UPP2: variants seen among roughly 807,000 people sequenced by gnomAD.
UPP2 encodes the protein UPase 2.
Under a neutral mutation model 26.7 loss-of-function variants are expected in UPP2, and 23 were observed. The ratio of observed to expected loss-of-function variants is 0.86; its 90% CI spans 0.62 to 1.22. The LOEUF is 1.22. Ranked by LOEUF, UPP2 falls within the 50% of genes most tolerant of loss-of-function variation. The pLI, the probability that UPP2 is intolerant of heterozygous loss-of-function variation, is 0.00. For synonymous variants in UPP2, 127 were observed against 141.3 expected, an observed-to-expected ratio of 0.90 and a Z score of 0.72; for missense variants, 387 against 396.7, an observed-to-expected ratio of 0.98 and a Z score of 0.21.
At chr2:158,043,894 AG>A (rs1684114857) in intron 3 of UPP2, among the ~76,000 whole-genome samples, 1 of 152,230 alleles carries the variant, frequency 6.6e-6, no homozygotes, top group Non-Finnish European at 1.5e-5. Flanking sequence ...GTATGACTTT[AG>A]GAAAGTTACT....
At chr2:158,101,820 C>A, upstream of UPP2, 1 of 1,252,554 alleles carries the variant, frequency 8.0e-7, no homozygotes, top group South Asian at 2.6e-5. Flanking sequence ...GGAAGTGCTG[C>A]TCTGAGAGCT....
At chr2:158,083,007 T>C (rs1248743388) in intron 3 of UPP2, among the ~76,000 whole-genome samples, 1 of 152,200 alleles carries the variant, frequency 6.6e-6, no homozygotes, top group Non-Finnish European at 1.5e-5. Flanking sequence ...TACAATGAGA[T>C]GCCATCTTAC....
At chr2:158,109,626 C>A (rs188148925) in intron 2 of UPP2, among the ~76,000 whole-genome samples, 18 of 152,314 alleles carry the variant, frequency 1.2e-4, no homozygotes, top group African/African-American at 4.3e-4. Flanking sequence ...GTACCCATTA[C>A]TTCTGCTCAA....
chr2:158,123,696 A>G, intron 5 of UPP2, 53 bp from the exon 6 acceptor site: 1 of 1,587,410 alleles, frequency 6.3e-7, no homozygotes, highest in Non-Finnish European at 8.6e-7. Context: ...CTATGAGGCC[A>G]CTGTCAGTGG....
intron 2 of UPP2, among the ~76,000 whole-genome samples, chr2:158,003,950 C>T (rs1449931073): frequency 6.6e-6 from 1 of 151,992 alleles, no homozygotes; most frequent in Non-Finnish European, 1.5e-5. Flanking sequence ...AGCAATAGTA[C>T]TATTTCAAAT....
At chr2:158,035,345 C>T (rs968987742) in intron 3 of UPP2, among the ~76,000 whole-genome samples, 5 of 151,918 alleles carry the variant, frequency 3.3e-5, no homozygotes, top group Admixed American at 6.6e-5. Flanking sequence ...TTAGTGGATA[C>T]GGGGTTTCAC....
intron 3 of UPP2, among the ~76,000 whole-genome samples, chr2:158,066,754 T>C (rs1485574224): frequency 3.9e-5 from 6 of 152,144 alleles, no homozygotes; most frequent in Non-Finnish European, 8.8e-5. Flanking sequence ...GTGTCTTTAA[T>C]GTCTTCAGAC....
intron 3 of UPP2, among the ~76,000 whole-genome samples, chr2:158,025,478 G>A (rs1046756512): frequency 3.3e-5 from 5 of 152,280 alleles, no homozygotes; most frequent in Middle Eastern, 6.8e-3. Context: ...CTAAGAGCAG[G>A]GTACAGGAGG....
rs550641966 is a variant in UPP2 at position 158,016,372 on chromosome 2, C to T, written c.147+486C>T. 5.9e-5 allele frequency among the ~76,000 whole-genome samples: 9 copies of T among 151,682 alleles called. 1 individual carries two copies. In the South Asian group the frequency reaches 1.5e-3, roughly 25 times the overall value. ...TTTTTTTTTTTGAGACAGAATTTCGCTCATGTTGCCCAGGCTGGAGTGCAA... is the reference window on the plus strand; with the variant it reads ...TTTTTTTTTTTGAGACAGAATTTCGTTCATGTTGCCCAGGCTGGAGTGCAA... On this transcript the variant is annotated intron_variant, in intron 3 of 9. Coordinates refer to the UPP2 transcript ENST00000605860.
At position 158,025,925 on chromosome 2, in the gene UPP2, C is replaced by T. The variant is rs1187811150; in HGVS notation, c.147+10039C>T. 2.6e-5 allele frequency among the ~76,000 whole-genome samples: 4 copies of T among 152,126 alleles called. No individual in the cohort carries two copies. The South Asian group carries it at 8.3e-4, about 32-fold the overall frequency. ...ATGGGAAAGTTGGCCTCACATCCTA[C>T]CCTCTCATTTCAGCTTCGTCTGGAA... On this transcript the variant is annotated intron_variant, in intron 3 of 9. Coordinates refer to the UPP2 transcript ENST00000605860.
intron 6 of UPP2, chr2:158,127,905 C>T (rs1558941817): frequency 2.7e-6 from 2 of 727,432 alleles, no homozygotes; most frequent in Non-Finnish European, 3.4e-6. Flanking sequence ...CTGTGCAATG[C>T]TCAATAAATG....
intron 2 of UPP2, among the ~76,000 whole-genome samples, chr2:158,008,379 G>GTATATTCCT (rs1683526396): frequency 6.6e-6 from 1 of 152,144 alleles, no homozygotes; most frequent in Non-Finnish European, 1.5e-5. Flanking sequence ...TGTGTTGCAG[G>GTATATTCCT]AATATAGCAG....
chr2:158,055,236 T>C (rs1456179114), intron 3 of UPP2, among the ~76,000 whole-genome samples: 1 of 152,188 alleles, frequency 6.6e-6, no homozygotes, highest in African/African-American at 2.4e-5. Context: ...GGGCTGAGCA[T>C]GCTAATGTGC....
intron 2 of UPP2, 85 bp from the exon 3 acceptor site, chr2:158,115,016 G>T: frequency 7.5e-7 from 1 of 1,333,794 alleles, no homozygotes; most frequent in African/African-American, 1.5e-5. Context: ...TAACTAAAAA[G>T]TAAAATAAAA....
intron 2 of UPP2, among the ~76,000 whole-genome samples, chr2:158,112,441 T>C (rs920232549): frequency 6.6e-6 from 1 of 152,124 alleles, no homozygotes; most frequent in Non-Finnish European, 1.5e-5. Flanking sequence ...CACACCATAT[T>C]CAAAAATTAA....
At chr2:158,074,743 G>T (rs1460560553) in intron 3 of UPP2, among the ~76,000 whole-genome samples, 1 of 119,358 alleles carries the variant, frequency 8.4e-6, no homozygotes, top group Non-Finnish European at 1.8e-5. Context: ...ATAACAAAGA[G>T]GCAGTAGTAA....
rs184138109 is a variant in UPP2, at chr2:158,024,158, C to T, written c.147+8272C>T. ...ATTTTAAAGATCTTACCCAGGAATG[C>T]GGATATAGGGATCCCCTGGAGCATA... On this transcript the variant is annotated intron_variant, in intron 3 of 9. Transcript: ENST00000605860. Among the ~76,000 whole-genome samples, 973 of 152,210 alleles carry T rather than the reference C, an allele frequency of 6.4e-3. 1 individual carries two copies. Among genetic ancestry groups the T allele is most frequent in the Non-Finnish European group, 0.011 (756 of 68,012 alleles).
intron 2 of UPP2, among the ~76,000 whole-genome samples, chr2:157,996,488 G>A (rs1683326113): frequency 6.6e-6 from 1 of 152,074 alleles, no homozygotes. Flanking sequence ...CTAATTTGGG[G>A]TCTCTAAAAT....
At chr2:158,044,310 T>C (rs1032842839) in intron 3 of UPP2, among the ~76,000 whole-genome samples, 6 of 151,870 alleles carry the variant, frequency 4.0e-5, no homozygotes, top group Non-Finnish European at 7.4e-5. Flanking sequence ...AGTGGGAAAT[T>C]GGATTATTTT....
Sources: gnomAD v4.1 joint callset for allele counts (sites outside exome capture counted in the v4.1 genomes callset) on GRCh38, gnomAD v4.1.1 for gene constraint, MANE v1.5 for transcripts, NCBI Gene and HGNC (gene_info 2026-07-23, HGNC 2026-07-21) for gene names.